MEI4: variants seen among roughly 807,000 people sequenced by gnomAD.
The protein encoded by MEI4 is meiosis-specific protein MEI4.
MEI4 carries 27 observed loss-of-function variants against 31.4 expected under a neutral mutation model. The observed-to-expected ratio is 0.86, with a 90% CI of 0.63 to 1.19. The LOEUF (loss-of-function observed/expected upper bound fraction) is 1.19, where lower values mean the gene tolerates loss of function less well. Among genes scored for constraint, MEI4 ranks in the 50% most tolerant of loss-of-function variants. The pLI, the probability that MEI4 is intolerant of heterozygous loss-of-function variation, is 0.00. For synonymous variants in MEI4, 122 were observed against 145.4 expected (o/e 0.84, Z 1.16); for missense variants, 329 against 398.9 (o/e 0.82, Z 1.49).
chr6:77,712,263 A>G (rs986052844), intron 2 of MEI4, among the ~76,000 whole-genome samples: 1 of 152,160 alleles, frequency 6.6e-6, no homozygotes, highest in Non-Finnish European at 1.5e-5. Flanking sequence ...GTCTTAATTC[A>G]CACATTTTAA....
At chr6:77,919,797 T>C (rs1766659434) in intron 4 of MEI4, among the ~76,000 whole-genome samples, 1 of 147,586 alleles carries the variant, frequency 6.8e-6, no homozygotes, top group South Asian at 2.2e-4. Context: ...ATAGACGCAA[T>C]AAAAAATGAT....
At chr6:77,775,503 A>G (rs1232823673) in intron 3 of MEI4, among the ~76,000 whole-genome samples, 1 of 152,178 alleles carries the variant, frequency 6.6e-6, no homozygotes, top group African/African-American at 2.4e-5. Flanking sequence ...GTTGATGTGA[A>G]TGCCATTATT....
chr6:77,795,772 A>C (rs1006389318), intron 3 of MEI4, among the ~76,000 whole-genome samples: 6 of 151,848 alleles, frequency 4.0e-5, no homozygotes, highest in Non-Finnish European at 7.4e-5. Context: ...ATTGGAAAAA[A>C]AAAAAACTCC....
rs573781445 is a variant in MEI4, at chr6:77,731,025, T to C, written c.233-30105T>C. 1.6e-3 allele frequency among the ~76,000 whole-genome samples: 248 copies of C among 151,162 alleles called. 4 individuals are homozygous for C. Among genetic ancestry groups the C allele is most frequent in the African/African-American group, 4.9e-3 (204 of 41,222 alleles). ...GCCACATTTTCTTAATCCAGTCTAT[T>C]GTTGTTGGACATTTGGGTTGGTTCC... is the stretch of plus-strand genomic sequence containing the variant. On this transcript the variant is annotated intron_variant, in intron 2 of 4. Transcript: ENST00000684080.
chr6:77,802,501 G>T (rs1769294489), intron 3 of MEI4, among the ~76,000 whole-genome samples: 1 of 152,128 alleles, frequency 6.6e-6, no homozygotes, highest in African/African-American at 2.4e-5. Context: ...GTGTGAATTT[G>T]ATCCTATCAT....
chr6:77,883,717 G>GATATATATATAT (rs570185624), intron 4 of MEI4, among the ~76,000 whole-genome samples: 665 of 43,244 alleles, frequency 0.015, 18 homozygotes, highest in African/African-American at 0.042. Flanking sequence ...TATTATGTAA[G>GATATATATATAT]ATATATATAT....
At chr6:77,878,429 A>G (rs943771953) in intron 4 of MEI4, among the ~76,000 whole-genome samples, 1 of 152,122 alleles carries the variant, frequency 6.6e-6, no homozygotes, top group African/African-American at 2.4e-5. Context: ...ACGTCTTCAG[A>G]AAAAATGAAC....
At chr6:77,910,369 T>A (rs1766404805) in intron 4 of MEI4, among the ~76,000 whole-genome samples, 2 of 152,260 alleles carry the variant, frequency 1.3e-5, no homozygotes, top group East Asian at 3.9e-4. Context: ...GTCTCAAGAT[T>A]CAAAATCAAT....
chr6:77,746,097 A>G (rs1047663004), intron 2 of MEI4, among the ~76,000 whole-genome samples: 3 of 152,236 alleles, frequency 2.0e-5, no homozygotes, highest in Admixed American at 6.5e-5. Context: ...AAAAGCTAGC[A>G]GAAGGCAAGG....
chr6:77,860,037 C>A (rs549490888), intron 4 of MEI4, among the ~76,000 whole-genome samples: 56 of 152,286 alleles, frequency 3.7e-4, no homozygotes, highest in Middle Eastern at 6.8e-3. Flanking sequence ...ATAACCAAAT[C>A]TTACAGCTTA....
intron 1 of MEI4, among the ~76,000 whole-genome samples, chr6:77,664,874 A>T (rs189110190): frequency 1.7e-3 from 258 of 152,226 alleles, no homozygotes; most frequent in African/African-American, 5.7e-3. Flanking sequence ...ACTACTGTCG[A>T]GTTTGTATTG....
chr6:77,730,673 A>G (rs1349091237), intron 2 of MEI4, among the ~76,000 whole-genome samples: 1 of 151,704 alleles, frequency 6.6e-6, no homozygotes, highest in African/African-American at 2.4e-5. Flanking sequence ...CACGTGCACA[A>G]TGTGCAAGTT....
intron 3 of MEI4, among the ~76,000 whole-genome samples, chr6:77,776,161 TTTTTTGTTTTTG>T (rs151011698): frequency 0.24 from 29,046 of 119,792 alleles, 2,992 homozygotes; most frequent in African/African-American, 0.31. Context: ...TAATTGTTTT[TTTTTTGTTTTTG>T]TTTTTGTTTT....
intron 4 of MEI4, among the ~76,000 whole-genome samples, chr6:77,915,313 T>G (rs765294508): frequency 6.6e-6 from 1 of 152,142 alleles, no homozygotes; most frequent in Non-Finnish European, 1.5e-5. Flanking sequence ...GCATTTCTTG[T>G]AGGGCCAGTC....
intron 4 of MEI4, among the ~76,000 whole-genome samples, chr6:77,868,363 A>AT (rs1758625527): frequency 6.6e-6 from 1 of 151,082 alleles, no homozygotes; most frequent in Admixed American, 6.6e-5. Context: ...GCAAGTAAAT[A>AT]TGGTAGTTTT....
At chr6:77,859,172 C>G (rs1371447008) in intron 4 of MEI4, among the ~76,000 whole-genome samples, 1 of 152,154 alleles carries the variant, frequency 6.6e-6, no homozygotes, top group Non-Finnish European at 1.5e-5. Context: ...CCAGCTTCAT[C>G]CACGTTCCTG....
chr6:77,800,102 C>T (rs1218043337), intron 3 of MEI4, among the ~76,000 whole-genome samples: 12 of 152,060 alleles, frequency 7.9e-5, no homozygotes, highest in East Asian at 5.8e-4. Context: ...GCCATTTTCA[C>T]GATATTGATT....
Position 77,803,344 on chromosome 6 carries a change from T to G in MEI4, c.769-25587T>G, listed in dbSNP as rs945349160. Reference sequence around the variant, plus strand: ...CCATCAGGTCCTTTAAGGACTTCTCTGCATTGGTTATTCTAGGTAGTCATT... The same window carrying G: ...CCATCAGGTCCTTTAAGGACTTCTCGGCATTGGTTATTCTAGGTAGTCATT... On this transcript the variant is annotated intron_variant, in intron 3 of 4. Coordinates refer to ENST00000684080, the MANE Select transcript of MEI4 (RefSeq NM_001322247.2). Among the ~76,000 whole-genome samples, 171 of 152,326 alleles carry G rather than the reference T, an allele frequency of 1.1e-3. 5 individuals are homozygous for G. Among genetic ancestry groups the G allele is most frequent in the Non-Finnish European group, 2.8e-4 (19 of 68,032 alleles).
intron 2 of MEI4, among the ~76,000 whole-genome samples, chr6:77,741,789 T>G: frequency 9.7e-6 from 1 of 103,192 alleles, no homozygotes; most frequent in African/African-American, 3.9e-5. Context: ...CCCACAACAG[T>G]CCCCAGAGTG....
Sources: gnomAD v4.1 joint callset for allele counts (sites outside exome capture counted in the v4.1 genomes callset) on GRCh38, gnomAD v4.1.1 for gene constraint, MANE v1.5 for transcripts, NCBI Gene and HGNC (gene_info 2026-07-23, HGNC 2026-07-21) for gene names.